Variants in NECTIN3 observed in about 807,000 individuals in gnomAD.
The protein encoded by NECTIN3 is nectin cell adhesion molecule 3, also known as nectin-3.
NECTIN3 carries 8 observed loss-of-function variants against 49.4 expected under a neutral mutation model. The ratio of observed to expected loss-of-function variants is 0.16; its 90% CI spans 0.10 to 0.29. The LOEUF (loss-of-function observed/expected upper bound fraction) is 0.29. Among genes scored for constraint, NECTIN3 ranks in the 10% least tolerant of loss-of-function variants. The pLI, the probability that NECTIN3 is intolerant of heterozygous loss-of-function variation, is 1.00. For missense variants in NECTIN3, 581 were observed against 654.6 expected, an observed-to-expected ratio of 0.89 and a Z score of 1.23; for synonymous variants, 277 against 241.1, an observed-to-expected ratio of 1.15 and a Z score of -1.38.
chr3:111,074,093 G>A (rs2031001419), intron 1 of NECTIN3: 1 of 386,464 alleles, frequency 2.6e-6, no homozygotes, highest in Non-Finnish European at 5.2e-6. Context: ...CATTTAAACA[G>A]CTTCCTTTTT....
intron 1 of NECTIN3, among the ~76,000 whole-genome samples, chr3:111,096,930 C>G (rs1383428367): frequency 3.3e-5 from 5 of 152,150 alleles, no homozygotes; most frequent in African/African-American, 1.2e-4. Context: ...GTGGGATCTA[C>G]CCCACAGAGT....
chr3:111,194,024 A>G (rs2035862806), intron 1 of NECTIN3, among the ~76,000 whole-genome samples: 2 of 152,142 alleles, frequency 1.3e-5, no homozygotes, highest in Admixed American at 1.3e-4. Flanking sequence ...TGAGGGATAC[A>G]TATCTCTTGC....
intron 7 of NECTIN3, among the ~76,000 whole-genome samples, chr3:111,175,895 A>G (rs1041989206): frequency 1.3e-5 from 2 of 152,126 alleles, no homozygotes; most frequent in South Asian, 2.1e-4. Flanking sequence ...GTTTTTTTGC[A>G]TTGGTATTTT....
chr3:111,135,079 G>T lies in NECTIN3; in HGVS notation c.*864G>T. 1.0e-6 allele frequency: 1 copy of T among 981,076 alleles called. No individual in the cohort carries two copies. The highest frequency in any genetic ancestry group is 1.2e-6 in the Non-Finnish European group (1 of 826,214). The allele number at this position is 981,076 out of a possible 1,614,324, so 60.8% of individuals were successfully genotyped here. ...ACTAATAGAAATGAAAAGACGCAGA[G>T]AGAGCATTTCGGAATACTGAAGTAC... On this transcript the variant is annotated 3_prime_UTR_variant, in exon 6 of 6. Transcript: ENST00000485303.
At chr3:111,158,883 AC>A (rs2035152034) in intron 7 of NECTIN3, among the ~76,000 whole-genome samples, 1 of 152,200 alleles carries the variant, frequency 6.6e-6, no homozygotes, top group Non-Finnish European at 1.5e-5. Flanking sequence ...AAGAAGTCTT[AC>A]AACTCAATAG....
At chr3:111,142,502 A>G (rs1411640879), downstream of NECTIN3, among the ~76,000 whole-genome samples, 1 of 151,856 alleles carries the variant, frequency 6.6e-6, no homozygotes, top group Non-Finnish European at 1.5e-5. Context: ...AAATTATAAG[A>G]CTAGTGTGAC....
intron 1 of NECTIN3, among the ~76,000 whole-genome samples, chr3:111,096,493 G>C (rs2032589335): frequency 6.6e-6 from 1 of 152,204 alleles, no homozygotes; most frequent in African/African-American, 2.4e-5. Flanking sequence ...GGAGCCAAAT[G>C]TTAATCATCA....
In NECTIN3 at chr3:111,072,187, C is replaced by T. The variant is rs1210361727; in HGVS notation, c.160+10C>T. ...TTCTCCAGGCTCTGTGGTAGGTGAA[C>T]CTCGGCGGCCGGCGTGGGCTGAGGG... On this transcript the variant is annotated intron_variant, in intron 1 of 5. Transcript: ENST00000485303. 4.5e-6 allele frequency: 7 copies of T among 1,546,524 alleles called. No homozygotes were observed. Among genetic ancestry groups the T allele is most frequent in the Non-Finnish European group, 6.1e-6 (7 of 1,148,584 alleles).
At chr3:111,125,022 C>CT (rs869201432) in intron 4 of NECTIN3, among the ~76,000 whole-genome samples, 3,086 of 90,150 alleles carry the variant, frequency 0.034, 145 homozygotes, top group Non-Finnish European at 0.049. Flanking sequence ...TCTTTTCTTT[C>CT]TTTTTTTTTT....
chr3:111,168,452 A>G (rs1254934125), intron 7 of NECTIN3, among the ~76,000 whole-genome samples: 2 of 133,162 alleles, frequency 1.5e-5, no homozygotes, highest in African/African-American at 4.1e-5. Flanking sequence ...TTACTAACAT[A>G]TATGTGTGTG....
intron 7 of NECTIN3, among the ~76,000 whole-genome samples, chr3:111,183,713 A>G (rs1031907289): frequency 6.6e-6 from 1 of 150,692 alleles, no homozygotes; most frequent in Non-Finnish European, 1.5e-5. Context: ...TTTTTTTTCT[A>G]GTGAGAAGCC....
At chr3:111,074,345 G>A (rs2031023486) in intron 1 of NECTIN3, 3 of 377,218 alleles carry the variant, frequency 8.0e-6, no homozygotes, top group South Asian at 5.8e-5. Context: ...GGTTTGGCAT[G>A]TAATTAATAT....
At chr3:111,096,674 C>T (rs370244590) in intron 1 of NECTIN3, among the ~76,000 whole-genome samples, 2 of 152,096 alleles carry the variant, frequency 1.3e-5, no homozygotes, top group Non-Finnish European at 2.9e-5. Flanking sequence ...CCGCTCCAGC[C>T]GTGACTGAAA....
At chr3:111,191,245 TG>T, upstream of NECTIN3, among the ~76,000 whole-genome samples, 1 of 152,216 alleles carries the variant, frequency 6.6e-6, no homozygotes, top group South Asian at 2.1e-4. Context: ...GGAGACAACT[TG>T]CATAACTAAG....
In NECTIN3 at chr3:111,134,175, T is replaced by C; in HGVS notation, c.1610T>C (p.Val537Ala). 6.2e-7 allele frequency: 1 copy of C among 1,610,200 alleles called. No homozygotes were observed. Among genetic ancestry groups the C allele is most frequent in the Non-Finnish European group, 8.5e-7 (1 of 1,178,482 alleles). The stretch of plus-strand genomic sequence containing the variant: ...AACGAAGATGACTTAGTTTCACATG[T>C]AGATGGTTCCGTAATTTCCAGGAGG... ...DENEDDLVSH[V>A]DGSVISRREW... The change falls in exon 6 of 6, where the codon GTA (valine) becomes GCA (alanine). Residue 537 changes from valine (V) to alanine (A), a missense_variant. Val to Ala is a moderately conservative substitution (Grantham distance 64). This residue lies in a region of NECTIN3 where 238 missense variants were observed against 244.9 expected (regional missense o/e 0.97). Transcript: ENST00000485303.
chr3:111,081,721 T>A (rs1451983986), intron 1 of NECTIN3, among the ~76,000 whole-genome samples: 2 of 152,166 alleles, frequency 1.3e-5, no homozygotes, highest in African/African-American at 4.8e-5. Flanking sequence ...ATAGCTTAGA[T>A]TTCTGTTTGT....
intron 3 of NECTIN3, among the ~76,000 whole-genome samples, chr3:111,120,048 T>G (rs1242599867): frequency 6.6e-6 from 1 of 152,232 alleles, no homozygotes; most frequent in Non-Finnish European, 1.5e-5. Context: ...TCTTAAATGC[T>G]AATACCATCT....
At chr3:111,074,127 T>G (rs2031005058) in intron 1 of NECTIN3, 1 of 441,442 alleles carries the variant, frequency 2.3e-6, no homozygotes, top group Non-Finnish European at 4.6e-6. Context: ...TATAACACCC[T>G]AATTTGTGAA....
At chr3:111,076,796 GA>G (rs2031230157) in intron 1 of NECTIN3, among the ~76,000 whole-genome samples, 1 of 151,844 alleles carries the variant, frequency 6.6e-6, no homozygotes, top group Non-Finnish European at 1.5e-5. Flanking sequence ...CCAATATGGC[GA>G]AACCCCGTCT....
Sources: gnomAD v4.1 joint callset for allele counts (sites outside exome capture counted in the v4.1 genomes callset) on GRCh38, gnomAD v4.1.1 for gene constraint, gnomAD v4.1.1 regional missense constraint, MANE v1.5 for transcripts, NCBI Gene and HGNC (gene_info 2026-07-23, HGNC 2026-07-21) for gene names.